SLC24A2: variants seen among roughly 807,000 people sequenced by gnomAD.
SLC24A2 encodes solute carrier family 24 member 2, also known as sodium/potassium/calcium exchanger 2.
SLC24A2 carries 36 observed loss-of-function variants against 62.0 expected under a neutral mutation model. The ratio of observed to expected loss-of-function variants is 0.58; its 90% confidence interval spans 0.44 to 0.77. The LOEUF (loss-of-function observed/expected upper bound fraction) is 0.77. Ranked by LOEUF, SLC24A2 falls within the 30% of genes least tolerant of loss-of-function variation. SLC24A2 has a pLI of 0.00. For missense variants in SLC24A2, 846 were observed against 817.9 expected, an observed-to-expected ratio of 1.03 and a Z score of -0.42; for synonymous variants, 358 against 294.0, an observed-to-expected ratio of 1.22 and a Z score of -2.23.
chr9:19,936,907 G>A, the SLC24A2 span, among the ~76,000 whole-genome samples: 32 of 152,118 alleles, frequency 2.1e-4, 1 homozygote, highest in Non-Finnish European at 4.1e-4. Flanking sequence ...AGTGGGATGG[G>A]GTGGAGGCAG....
the SLC24A2 span, among the ~76,000 whole-genome samples, chr9:20,124,264 G>A: frequency 6.6e-6 from 1 of 151,194 alleles, no homozygotes; most frequent in Non-Finnish European, 1.5e-5. Flanking sequence ...AGGAAAGGGA[G>A]AAGGGCTTCA....
chr9:20,067,116 G>T, the SLC24A2 span, among the ~76,000 whole-genome samples: 8 of 152,038 alleles, frequency 5.3e-5, no homozygotes, highest in Non-Finnish European at 1.2e-4. Flanking sequence ...TGTTATTTTA[G>T]ATTTTAACAG....
chr9:20,191,217 A>G, the SLC24A2 span, among the ~76,000 whole-genome samples: 4 of 151,812 alleles, frequency 2.6e-5, no homozygotes, highest in Admixed American at 6.6e-5. Flanking sequence ...TTCCATTCAT[A>G]AAAACATCTA....
At chr9:19,533,219 T>A (rs1353491708) in intron 8 of SLC24A2, among the ~76,000 whole-genome samples, 1 of 152,188 alleles carries the variant, frequency 6.6e-6, no homozygotes, top group African/African-American at 2.4e-5. Context: ...ATGTTCATCT[T>A]CTTGGGCAAT....
the SLC24A2 span, among the ~76,000 whole-genome samples, chr9:19,917,552 G>C: frequency 1.3e-5 from 2 of 151,620 alleles, no homozygotes; most frequent in African/African-American, 4.8e-5. Context: ...ATCACAGCCA[G>C]GTCTTGTGAT....
intron 2 of SLC24A2, among the ~76,000 whole-genome samples, chr9:19,678,492 G>A (rs1819621532): frequency 6.6e-6 from 1 of 152,134 alleles, no homozygotes; most frequent in African/African-American, 2.4e-5. Context: ...TTAACTTAGT[G>A]GTCTAGTGTA....
At chr9:19,913,466 A>G in the SLC24A2 span, among the ~76,000 whole-genome samples, 1 of 152,128 alleles carries the variant, frequency 6.6e-6, no homozygotes, top group Non-Finnish European at 1.5e-5. Flanking sequence ...AAGGTGATTT[A>G]GGGCTTGGAA....
At chr9:19,765,521 G>T (rs1247527209) in intron 2 of SLC24A2, among the ~76,000 whole-genome samples, 1 of 152,164 alleles carries the variant, frequency 6.6e-6, no homozygotes, top group East Asian at 1.9e-4. Context: ...GCGTTTGCTT[G>T]TCTGTAAAGG....
chr9:19,960,414 G>C, the SLC24A2 span, among the ~76,000 whole-genome samples: 2 of 152,094 alleles, frequency 1.3e-5, no homozygotes, highest in African/African-American at 4.8e-5. Flanking sequence ...CGTGTGTAAT[G>C]AGCTGCAGTT....
At chr9:19,960,114 G>C in the SLC24A2 span, among the ~76,000 whole-genome samples, 1 of 152,172 alleles carries the variant, frequency 6.6e-6, no homozygotes, top group Non-Finnish European at 1.5e-5. Context: ...GGAGTGGCTA[G>C]AGCAGGAGCA....
At chr9:19,866,862 A>G in the SLC24A2 span, among the ~76,000 whole-genome samples, 2 of 151,850 alleles carry the variant, frequency 1.3e-5, no homozygotes, top group Non-Finnish European at 2.9e-5. Context: ...AAAAATCAAA[A>G]CAATTGAACC....
intron 2 of SLC24A2, among the ~76,000 whole-genome samples, chr9:19,779,983 A>G (rs1390453114): frequency 6.6e-6 from 1 of 151,938 alleles, no homozygotes; most frequent in African/African-American, 2.4e-5. Flanking sequence ...AATGGCGTGA[A>G]CCCGGGAGGT....
chr9:20,148,365 A>G, the SLC24A2 span, among the ~76,000 whole-genome samples: 1 of 152,122 alleles, frequency 6.6e-6, no homozygotes, highest in African/African-American at 2.4e-5. Context: ...AAGCTATCAG[A>G]GGTGTCTGTT....
chr9:20,279,062 C>A, the SLC24A2 span, among the ~76,000 whole-genome samples: 1 of 151,932 alleles, frequency 6.6e-6, no homozygotes, highest in East Asian at 1.9e-4. Flanking sequence ...CTTATAAAAC[C>A]ATCAGATCTC....
chr9:20,091,135 CAGAAAAAAAAAGAAAA>C, the SLC24A2 span, among the ~76,000 whole-genome samples: 7 of 140,084 alleles, frequency 5.0e-5, no homozygotes, highest in South Asian at 6.8e-4. Context: ...TCTGAAATGA[CAGAAAAAAAAAGAAAA>C]AGAAAAAAAA....
At chr9:20,081,658 G>C in the SLC24A2 span, among the ~76,000 whole-genome samples, 29 of 152,136 alleles carry the variant, frequency 1.9e-4, no homozygotes, top group East Asian at 5.6e-3. Flanking sequence ...AATGGAACCT[G>C]TAGGTCAAAG....
chr9:20,197,715 A>T, the SLC24A2 span, among the ~76,000 whole-genome samples: 1 of 152,234 alleles, frequency 6.6e-6, no homozygotes, highest in African/African-American at 2.4e-5. Context: ...TACAGGCATG[A>T]GCCGAGCCAG....
intron 2 of SLC24A2, among the ~76,000 whole-genome samples, chr9:19,752,258 G>T (rs1822006262): frequency 6.6e-6 from 1 of 152,040 alleles, no homozygotes; most frequent in Non-Finnish European, 1.5e-5. Context: ...GAAATATACA[G>T]TAACTCACCC....
the SLC24A2 span, among the ~76,000 whole-genome samples, chr9:20,136,996 T>G: frequency 6.6e-6 from 1 of 152,124 alleles, no homozygotes; most frequent in African/African-American, 2.4e-5. Context: ...GAGATAATGC[T>G]CTCTGATGTA....
Sources: allele counts gnomAD v4.1 joint callset (sites outside exome capture counted in the v4.1 genomes callset), GRCh38; gene constraint gnomAD v4.1.1; transcripts MANE v1.5; gene names NCBI Gene and HGNC (gene_info 2026-07-23, HGNC 2026-07-21).